The following TCF7L2 variants were observed in gnomAD, a reference collection of about 807,000 sequenced individuals.
The protein encoded by TCF7L2 is transcription factor 7 like 2, also known as transcription factor 7-like 2.
Under a neutral mutation model 77.9 loss-of-function variants are expected in TCF7L2, and 23 were observed. The ratio of observed to expected loss-of-function variants is 0.30; its 90% CI spans 0.21 to 0.42. The LOEUF (loss-of-function observed/expected upper bound fraction) is 0.42. Ranked by LOEUF, TCF7L2 falls within the 10% of genes least tolerant of loss-of-function variation. The pLI is 1.00. For missense variants in TCF7L2, 654 were observed against 793.1 expected, an observed-to-expected ratio of 0.82 and a Z score of 2.11; for synonymous variants, 413 against 340.2, an observed-to-expected ratio of 1.21 and a Z score of -2.36.
chr10:113,157,589 G>A (rs570590247), intron 11 of TCF7L2, among the ~76,000 whole-genome samples: 3 of 152,328 alleles, frequency 2.0e-5, no homozygotes, highest in South Asian at 4.1e-4. Context: ...GGTCAGGCAG[G>A]GCAGCCCTTG....
At chr10:113,072,120 G>A (rs1002871986) in intron 5 of TCF7L2, among the ~76,000 whole-genome samples, 5 of 152,118 alleles carry the variant, frequency 3.3e-5, no homozygotes, top group African/African-American at 4.8e-5. Context: ...GCAGTGGCAC[G>A]ATCTCGGCTC....
At chr10:112,996,759 C>T (rs1407774736) in intron 4 of TCF7L2, among the ~76,000 whole-genome samples, 1 of 152,190 alleles carries the variant, frequency 6.6e-6, no homozygotes, top group Non-Finnish European at 1.5e-5. Context: ...TCAACCTCCA[C>T]TGAGGGAAGT....
At chr10:113,008,418 G>A (rs370744415) in intron 4 of TCF7L2, among the ~76,000 whole-genome samples, 2 of 152,162 alleles carry the variant, frequency 1.3e-5, no homozygotes, top group South Asian at 4.1e-4. Flanking sequence ...TCACCTTTCT[G>A]TGGGGTCTTG....
intron 4 of TCF7L2, among the ~76,000 whole-genome samples, chr10:113,009,642 C>A: frequency 6.6e-6 from 1 of 152,170 alleles, no homozygotes; most frequent in South Asian, 2.1e-4. Flanking sequence ...TTGCCCTAAC[C>A]CTCTTGAGCT....
intron 5 of TCF7L2, among the ~76,000 whole-genome samples, chr10:113,109,139 G>A (rs2062795922): frequency 6.6e-6 from 1 of 152,186 alleles, no homozygotes; most frequent in African/African-American, 2.4e-5. Flanking sequence ...CTTTAGAATT[G>A]CCGCACTGGC....
chr10:112,964,974 A>G (rs914979719), intron 4 of TCF7L2, among the ~76,000 whole-genome samples: 1 of 152,126 alleles, frequency 6.6e-6, no homozygotes, highest in African/African-American at 2.4e-5. Context: ...CAGCTTGACT[A>G]CTGTTTTTCT....
chr10:113,014,961 G>C (rs1271496982), intron 4 of TCF7L2, among the ~76,000 whole-genome samples: 1 of 152,208 alleles, frequency 6.6e-6, no homozygotes, highest in East Asian at 1.9e-4. Flanking sequence ...GCCGAGGCAG[G>C]TGGTCACTTA....
rs2074029476 is a variant in TCF7L2, at chr10:113,166,093, A to G, written c.*121A>G. The G allele has an allele frequency of 3.5e-6, 3 of 856,374 alleles. No individual in the cohort carries two copies. Among genetic ancestry groups the G allele is most frequent in the Non-Finnish European group, 4.7e-6 (3 of 633,756 alleles). 53.0% of individuals were successfully genotyped at this position (856,374 alleles called of 1,614,324 possible). A position where few individuals can be genotyped will look rare whatever the true frequency, so the allele number is the denominator to read the frequency against. On this transcript the variant is annotated 3_prime_UTR_variant, in exon 14 of 14. Coordinates refer to ENST00000627217, the MANE Select transcript of TCF7L2 (RefSeq NM_001146274.2). Reference sequence around the variant, plus strand: ...TCTCTTAATTTTGTGCCATGTGGCTACATTAGTTGATGTTTATCGAGTTCA... The same window carrying G: ...TCTCTTAATTTTGTGCCATGTGGCTGCATTAGTTGATGTTTATCGAGTTCA...
At chr10:113,006,686 T>A (rs1412968731) in intron 4 of TCF7L2, among the ~76,000 whole-genome samples, 1 of 152,246 alleles carries the variant, frequency 6.6e-6, no homozygotes, top group East Asian at 1.9e-4. Flanking sequence ...TTCATATGCA[T>A]AGGATCATCA....
intron 13 of TCF7L2, among the ~76,000 whole-genome samples, chr10:113,163,580 G>A (rs1303646139): frequency 6.6e-6 from 1 of 152,132 alleles, no homozygotes; most frequent in Non-Finnish European, 1.5e-5. Context: ...GCAGGCTAAG[G>A]TGGTTTAAAA....
At chr10:113,161,052 C>G (rs1163373383) in intron 13 of TCF7L2, among the ~76,000 whole-genome samples, 2 of 152,180 alleles carry the variant, frequency 1.3e-5, no homozygotes, top group African/African-American at 2.4e-5. Context: ...CCACCATTTC[C>G]AAAGGTTTGA....
chr10:113,080,187 G>T (rs1248382128), intron 5 of TCF7L2, among the ~76,000 whole-genome samples: 2 of 151,852 alleles, frequency 1.3e-5, no homozygotes, highest in Non-Finnish European at 2.9e-5. Context: ...AATGTCTGGG[G>T]TTAGAAGACA....
intron 4 of TCF7L2, among the ~76,000 whole-genome samples, chr10:113,036,778 A>T (rs1460265298): frequency 6.6e-6 from 1 of 152,072 alleles, no homozygotes; most frequent in Admixed American, 6.5e-5. Flanking sequence ...GTTTGTTGAA[A>T]AGTTTAATGT....
intron 5 of TCF7L2, among the ~76,000 whole-genome samples, chr10:113,077,642 T>C (rs980717934): frequency 6.6e-6 from 1 of 152,114 alleles, no homozygotes; most frequent in South Asian, 2.1e-4. Flanking sequence ...CTTAAATGTT[T>C]TCAAGGTTCG....
intron 11 of TCF7L2, among the ~76,000 whole-genome samples, chr10:113,157,282 C>T (rs888430480): frequency 1.3e-5 from 2 of 152,180 alleles, no homozygotes; most frequent in Admixed American, 6.5e-5. Flanking sequence ...CCATGCCCGG[C>T]TAATTTTGCA....
chr10:113,055,098 C>T (rs1038269777), intron 5 of TCF7L2, among the ~76,000 whole-genome samples: 4 of 152,058 alleles, frequency 2.6e-5, no homozygotes, highest in Non-Finnish European at 4.4e-5. Flanking sequence ...ATGTAGGTAC[C>T]TATATATGAG....
chr10:113,141,210 C>T lies in TCF7L2; in HGVS notation c.579C>T (p.His193=), dbSNP rs146872546. 5 of 1,614,018 alleles carry T rather than the reference C, an allele frequency of 3.1e-6. No individual in the cohort carries two copies. The highest frequency in any genetic ancestry group is 2.7e-5 in the African/African-American group (2 of 74,904). The change falls in exon 6 of 14, where the codon CAC becomes CAT. Residue 193 remains histidine (H), a synonymous_variant. Coordinates refer to ENST00000627217, the MANE Select transcript of TCF7L2 (RefSeq NM_001146274.2). The stretch of plus-strand genomic sequence containing the variant: ...CTAACAAAGTGCCAGTGGTGCAGCA[C>T]CCTCACCATGTCCACCCCCTCACGC...
intron 3 of TCF7L2, among the ~76,000 whole-genome samples, chr10:112,963,330 T>C (rs1324835323): frequency 6.6e-6 from 1 of 152,212 alleles, no homozygotes; most frequent in Non-Finnish European, 1.5e-5. Context: ...GACTGAATTG[T>C]TTTTCTTCCA....
At chr10:113,073,745 C>T (rs1181774077) in intron 5 of TCF7L2, among the ~76,000 whole-genome samples, 1 of 151,816 alleles carries the variant, frequency 6.6e-6, no homozygotes, top group Non-Finnish European at 1.5e-5. Flanking sequence ...CCCTGCAGAG[C>T]TGCTTCCCGA....
Sources: allele counts gnomAD v4.1 joint callset (sites outside exome capture counted in the v4.1 genomes callset), GRCh38; gene constraint gnomAD v4.1.1; transcripts MANE v1.5; gene names NCBI Gene and HGNC (gene_info 2026-07-23, HGNC 2026-07-21).